UBXN4: variants seen among roughly 807,000 people sequenced by gnomAD.
UBXN4 encodes the protein UBX domain protein 4.
UBXN4 carries 35 observed loss-of-function variants against 66.2 expected under a neutral mutation model. The observed-to-expected ratio is 0.53, with a 90% confidence interval of 0.40 to 0.70. The LOEUF (loss-of-function observed/expected upper bound fraction) is 0.70, where lower values mean the gene tolerates loss of function less well. UBXN4 is among the 30% of genes least tolerant of loss of function. UBXN4 has a pLI of 0.00. For synonymous variants in UBXN4, 203 were observed against 204.5 expected (o/e 0.99, Z 0.06); for missense variants, 533 against 599.8 (o/e 0.89, Z 1.16).
intron 6 of UBXN4, among the ~76,000 whole-genome samples, chr2:135,767,995 A>G (rs1267952442): frequency 6.6e-6 from 1 of 151,822 alleles, no homozygotes. Flanking sequence ...TTTTGACAGT[A>G]CTCACTCCCT....
intron 2 of UBXN4, among the ~76,000 whole-genome samples, chr2:135,749,491 A>G (rs1237271084): frequency 6.6e-6 from 1 of 152,166 alleles, no homozygotes; most frequent in Non-Finnish European, 1.5e-5. Flanking sequence ...GTACTTGTCT[A>G]CTAGCTTTGG....
intron 8 of UBXN4, 97 bp downstream of exon 8, chr2:135,770,832 G>A: frequency 2.6e-6 from 3 of 1,150,006 alleles, no homozygotes; most frequent in Non-Finnish European, 3.4e-6. Context: ...AGATTTTAGT[G>A]ACTCATAGAC....
intron 5 of UBXN4, among the ~76,000 whole-genome samples, chr2:135,758,908 A>G (rs939183330): frequency 1.3e-5 from 2 of 151,828 alleles, no homozygotes; most frequent in African/African-American, 4.8e-5. Context: ...ACAGGCGTGC[A>G]CCACCATGCC....
Position 135,770,787 on chromosome 2 carries a change from G to A in UBXN4, c.822+52G>A, listed in dbSNP as rs550596992. 152 of 1,399,028 alleles carry A rather than the reference G, an allele frequency of 1.1e-4. 2 individuals are homozygous for A. In the East Asian group the frequency reaches 3.8e-3, roughly 35 times the overall value. The allele number at this position is 1,399,028 out of a possible 1,614,324, so 86.7% of individuals were successfully genotyped here. A position where few individuals can be genotyped will look rare whatever the true frequency, so the allele number is the denominator to read the frequency against. On this transcript the variant is annotated intron_variant, in intron 8 of 12. Transcript: ENST00000272638. ...TGAAACTGTTTTTCTGTGCACAGTA[G>A]CTTTAGATTACTACCAGACTGTGCA...
chr2:135,778,623 G>C (rs1452066246), intron 10 of UBXN4, among the ~76,000 whole-genome samples: 1 of 152,164 alleles, frequency 6.6e-6, no homozygotes, highest in African/African-American at 2.4e-5. Flanking sequence ...CCAAAGGATA[G>C]TGAAAACCTA....
intron 2 of UBXN4, among the ~76,000 whole-genome samples, chr2:135,749,479 A>G (rs925479878): frequency 1.3e-5 from 2 of 152,134 alleles, no homozygotes; most frequent in South Asian, 4.1e-4. Flanking sequence ...AATGTACCCC[A>G]TGTACTTGTC....
chr2:135,768,344 G>C (rs564657571), intron 6 of UBXN4, among the ~76,000 whole-genome samples: 1 of 151,182 alleles, frequency 6.6e-6, no homozygotes, highest in Admixed American at 6.6e-5. Context: ...GATTACAGGC[G>C]CATGCCACCA....
rs2077244737 is a variant in UBXN4, at chr2:135,751,934, A to G, written c.186-1605A>G. On this transcript the variant is annotated intron_variant, in intron 2 of 12. Coordinates refer to ENST00000272638, the MANE Select transcript of UBXN4 (RefSeq NM_014607.4). Reference sequence around the variant, plus strand: ...TAAATTCTCTCTCCCATCCCTGACCACTCAGCTCCCTTCTCTGGAGGGAAC... The same window carrying G: ...TAAATTCTCTCTCCCATCCCTGACCGCTCAGCTCCCTTCTCTGGAGGGAAC... 2.0e-5 allele frequency among the ~76,000 whole-genome samples: 3 copies of G among 152,090 alleles called. No homozygotes were observed. The South Asian group carries it at 6.2e-4, about 31-fold the overall frequency.
At position 135,783,083 on chromosome 2, in the gene UBXN4, C is replaced by T; in HGVS notation, c.*196C>T. ...ACAGGAAATAACTCTCTGCTAGGTC[C>T]TTGCTTATATGGCAACCACTGCTAG... On this transcript the variant is annotated 3_prime_UTR_variant, in exon 13 of 13. Coordinates refer to ENST00000272638, the MANE Select transcript of UBXN4 (RefSeq NM_014607.4). 1 of 522,664 alleles carries T rather than the reference C, an allele frequency of 1.9e-6. No individual in the cohort carries two copies. Among genetic ancestry groups the T allele is most frequent in the Non-Finnish European group, 3.2e-6 (1 of 313,398 alleles). 32.4% of individuals were successfully genotyped at this position (522,664 alleles called of 1,614,324 possible).
intron 11 of UBXN4, 35 bp downstream of exon 11, chr2:135,779,114 A>G (rs757664420): frequency 6.5e-7 from 1 of 1,542,966 alleles, no homozygotes; most frequent in African/African-American, 1.4e-5. Context: ...TTCTCTTCTT[A>G]TTGTTTTCTG....
intron 1 of UBXN4, among the ~76,000 whole-genome samples, chr2:135,744,448 C>T (rs898856909): frequency 2.0e-5 from 3 of 151,044 alleles, no homozygotes; most frequent in African/African-American, 7.4e-5. Flanking sequence ...TGAAACAAAA[C>T]GATATTCATT....
intron 4 of UBXN4, among the ~76,000 whole-genome samples, chr2:135,755,156 T>G (rs1405752417): frequency 6.6e-6 from 1 of 152,262 alleles, no homozygotes; most frequent in Non-Finnish European, 1.5e-5. Context: ...GCTGTCATAT[T>G]AAGGCTCTAA....
At chr2:135,768,544 A>G (rs2077361429) in intron 6 of UBXN4, among the ~76,000 whole-genome samples, 1 of 148,952 alleles carries the variant, frequency 6.7e-6, no homozygotes. Flanking sequence ...GCATTACACT[A>G]CCATGCTCAG....
intron 1 of UBXN4, among the ~76,000 whole-genome samples, chr2:135,743,712 A>G (rs1429519308): frequency 6.6e-6 from 1 of 152,234 alleles, no homozygotes; most frequent in East Asian, 1.9e-4. Context: ...CAAATGTCCA[A>G]ACATTCCTAG....
chr2:135,747,198 A>G (rs112437004), intron 1 of UBXN4, among the ~76,000 whole-genome samples: 1 of 144,416 alleles, frequency 6.9e-6, no homozygotes, highest in Non-Finnish European at 1.5e-5. Flanking sequence ...ATACAAAAAA[A>G]TTAGCTGGGC....
At position 135,779,091 on chromosome 2, in the gene UBXN4, C is replaced by T; in HGVS notation, c.1185+12C>T. On this transcript the variant is annotated intron_variant, in intron 11 of 12. Coordinates refer to ENST00000272638, the MANE Select transcript of UBXN4 (RefSeq NM_014607.4). ...TGGTACTGTTGCCAGTATGTATATA[C>T]AGATGCATTTTTTTCTCTTCTTATT... The T allele has an allele frequency of 6.4e-7, 1 of 1,569,668 alleles. No homozygotes were observed.
chr2:135,772,255 A>T (rs1439025508), intron 8 of UBXN4, among the ~76,000 whole-genome samples, 165 bp from the exon 9 acceptor site: 1 of 152,104 alleles, frequency 6.6e-6, no homozygotes, highest in African/African-American at 2.4e-5. Context: ...CCAGGTGTTC[A>T]GAGGCTGCAG....
intron 9 of UBXN4, among the ~76,000 whole-genome samples, chr2:135,775,306 C>T (rs1353763591): frequency 6.6e-6 from 1 of 152,174 alleles, no homozygotes; most frequent in Non-Finnish European, 1.5e-5. Context: ...GTTTATACAG[C>T]AGTTTATATC....
intron 1 of UBXN4, among the ~76,000 whole-genome samples, chr2:135,744,939 T>C (rs2077197344): frequency 6.6e-6 from 1 of 152,188 alleles, no homozygotes; most frequent in Non-Finnish European, 1.5e-5. Context: ...AGGCTGAGTC[T>C]AGGACAGACA....
Sources: allele counts gnomAD v4.1 joint callset (sites outside exome capture counted in the v4.1 genomes callset), GRCh38; gene constraint gnomAD v4.1.1; transcripts MANE v1.5; gene names NCBI Gene and HGNC (gene_info 2026-07-23, HGNC 2026-07-21).